KIFAP3: variants seen among roughly 807,000 people sequenced by gnomAD.
The protein encoded by KIFAP3 is kinesin associated protein 3, also known as kinesin-associated protein 3.
A neutral mutation model predicts 106.5 loss-of-function variants in KIFAP3; 68 were observed. The observed-to-expected ratio is 0.64, with a 90% CI of 0.53 to 0.78. The LOEUF (loss-of-function observed/expected upper bound fraction) is 0.78. Among genes scored for constraint, KIFAP3 ranks in the 30% least tolerant of loss-of-function variants. KIFAP3 has a pLI of 0.00. For synonymous variants in KIFAP3, 320 were observed against 311.5 expected (o/e 1.03, Z -0.29); for missense variants, 780 against 941.8 (o/e 0.83, Z 2.25).
At chr1:169,922,266 G>T (rs1662868061) in intron 19 of KIFAP3, among the ~76,000 whole-genome samples, 1 of 152,164 alleles carries the variant, frequency 6.6e-6, no homozygotes, top group Non-Finnish European at 1.5e-5. Context: ...GAACTCTCAT[G>T]CAGGGCCAAA....
intron 10 of KIFAP3, among the ~76,000 whole-genome samples, chr1:169,997,761 T>G (rs1335953570): frequency 6.6e-6 from 1 of 150,640 alleles, no homozygotes; most frequent in African/African-American, 2.4e-5. Flanking sequence ...TCCCAGCTAC[T>G]CAGGAAGCTG....
At chr1:169,956,278 A>G (rs1665009317) in intron 18 of KIFAP3, among the ~76,000 whole-genome samples, 1 of 152,188 alleles carries the variant, frequency 6.6e-6, no homozygotes, top group African/African-American at 2.4e-5. Flanking sequence ...ATGAAAAGAT[A>G]TGTGAATTAT....
At chr1:169,931,660 T>C (rs1663490519) in intron 19 of KIFAP3, among the ~76,000 whole-genome samples, 2 of 152,238 alleles carry the variant, frequency 1.3e-5, no homozygotes, top group Admixed American at 1.3e-4. Context: ...ACTGAGTCAT[T>C]AGCACGTCCT....
At chr1:170,018,408 G>T (rs1668629763) in intron 9 of KIFAP3, among the ~76,000 whole-genome samples, 1 of 152,050 alleles carries the variant, frequency 6.6e-6, no homozygotes, top group Non-Finnish European at 1.5e-5. Context: ...AACTTATTTA[G>T]TAAGAGAAGC....
At chr1:170,034,819 C>T (rs966232704) in intron 6 of KIFAP3, among the ~76,000 whole-genome samples, 22 of 151,818 alleles carry the variant, frequency 1.4e-4, no homozygotes, top group African/African-American at 5.3e-4. Flanking sequence ...TGTAGCAATA[C>T]TAGACATACA....
intron 10 of KIFAP3, among the ~76,000 whole-genome samples, chr1:169,993,591 A>G: frequency 6.7e-6 from 1 of 148,382 alleles, no homozygotes; most frequent in Non-Finnish European, 1.5e-5. Context: ...TTGAGACAGA[A>G]GTATTCAGTT....
chr1:170,052,418 G>C (rs374166684), intron 2 of KIFAP3, among the ~76,000 whole-genome samples: 4 of 152,194 alleles, frequency 2.6e-5, no homozygotes, highest in Non-Finnish European at 5.9e-5. Context: ...GAGGTACAAA[G>C]AGGAGTGGGT....
At chr1:170,037,157 AAAAC>A (rs1476603640) in intron 5 of KIFAP3, among the ~76,000 whole-genome samples, 1 of 152,238 alleles carries the variant, frequency 6.6e-6, no homozygotes, top group East Asian at 1.9e-4. Context: ...AGGGAACACT[AAAAC>A]AATTCCATGA....
chr1:169,989,474 G>A (rs1052144752), intron 11 of KIFAP3, among the ~76,000 whole-genome samples: 5 of 151,970 alleles, frequency 3.3e-5, no homozygotes, highest in African/African-American at 1.2e-4. Context: ...ATCGGAAAAG[G>A]AACACCCTTT....
At chr1:170,006,143 G>A (rs1221957631) in intron 10 of KIFAP3, among the ~76,000 whole-genome samples, 1 of 152,150 alleles carries the variant, frequency 6.6e-6, no homozygotes. Flanking sequence ...GAAAGGTTCA[G>A]TGAAGATCAA....
intron 19 of KIFAP3, among the ~76,000 whole-genome samples, chr1:169,943,829 A>C (rs924757717): frequency 6.6e-6 from 1 of 152,220 alleles, no homozygotes; most frequent in African/African-American, 2.4e-5. Flanking sequence ...TGATGATATA[A>C]TTAACTTGCC....
intron 19 of KIFAP3, among the ~76,000 whole-genome samples, chr1:169,937,768 T>C (rs992787825): frequency 1.3e-5 from 2 of 151,748 alleles, no homozygotes; most frequent in Non-Finnish European, 3.0e-5. Context: ...CCTCTAAAGA[T>C]ACAGCAGTAA....
At chr1:169,945,687 ACTTCT>A (rs1427530804) in intron 19 of KIFAP3, among the ~76,000 whole-genome samples, 3 of 152,212 alleles carry the variant, frequency 2.0e-5, no homozygotes, top group African/African-American at 7.2e-5. Flanking sequence ...TTCTGTCACA[ACTTCT>A]CTTGTTTCTA....
At chr1:169,929,016 G>A (rs1275669597) in intron 19 of KIFAP3, among the ~76,000 whole-genome samples, 2 of 152,070 alleles carry the variant, frequency 1.3e-5, no homozygotes, top group African/African-American at 4.8e-5. Flanking sequence ...GAAATAACGA[G>A]TATAAAACAA....
chr1:169,992,371 T>C, intron 10 of KIFAP3, 116 bp from the exon 11 acceptor site: 1 of 452,442 alleles, frequency 2.2e-6, no homozygotes. Context: ...AAACTTAATC[T>C]GAAAAATATT....
intron 11 of KIFAP3, among the ~76,000 whole-genome samples, chr1:169,988,088 A>T (rs778481987): frequency 6.6e-6 from 1 of 152,128 alleles, no homozygotes; most frequent in Non-Finnish European, 1.5e-5. Context: ...ACTAGAGGTA[A>T]TAAAGTACAA....
In KIFAP3 at chr1:170,059,143, A is replaced by C. The variant is rs149396557; in HGVS notation, c.33-3707T>G. ...GCAAAAGCAAACACATTTAAAAGCTAGCAGAAGGCAAGAAATAACTAAGAT... is the reference window on the plus strand; with the variant it reads ...GCAAAAGCAAACACATTTAAAAGCTCGCAGAAGGCAAGAAATAACTAAGAT... On this transcript the variant is annotated intron_variant, in intron 1 of 19. Coordinates refer to ENST00000361580, the MANE Select transcript of KIFAP3 (RefSeq NM_014970.4). Among the ~76,000 whole-genome samples, 1,363 of 152,328 alleles carry C rather than the reference A, an allele frequency of 8.9e-3. 29 individuals are homozygous for C. The highest frequency in any genetic ancestry group is 0.032 in the African/African-American group (1,317 of 41,562).
At chr1:170,016,655 A>T (rs16862933) in intron 9 of KIFAP3, 31 bp from the exon 10 acceptor site, 14 of 1,373,928 alleles carry the variant, frequency 1.0e-5, no homozygotes, top group Non-Finnish European at 1.4e-5. Flanking sequence ...AATACAGTGA[A>T]GTTCTGTTGC....
intron 8 of KIFAP3, among the ~76,000 whole-genome samples, chr1:170,027,692 T>C (rs1669185202): frequency 6.6e-6 from 1 of 152,096 alleles, no homozygotes; most frequent in Non-Finnish European, 1.5e-5. Flanking sequence ...ATCAGAGAAC[T>C]GTGGAACAAC....
Sources: allele counts gnomAD v4.1 joint callset (sites outside exome capture counted in the v4.1 genomes callset), GRCh38; gene constraint gnomAD v4.1.1; transcripts MANE v1.5; gene names NCBI Gene and HGNC (gene_info 2026-07-23, HGNC 2026-07-21).